Variants in SIL1 observed in about 807,000 individuals in gnomAD.
SIL1 encodes the protein nucleotide exchange factor SIL1.
Under a neutral mutation model 49.1 loss-of-function variants are expected in SIL1, and 40 were observed. That is an observed-to-expected ratio of 0.81 (90% CI 0.63 to 1.06). The LOEUF is 1.06. Among genes scored for constraint, SIL1 ranks in the 50% least tolerant of loss-of-function variants. The pLI is 0.00. For missense variants in SIL1, 500 were observed against 572.6 expected, an observed-to-expected ratio of 0.87 and a Z score of 1.29; for synonymous variants, 253 against 250.8, an observed-to-expected ratio of 1.01 and a Z score of -0.08.
In SIL1 at chr5:138,951,263, G is replaced by T. The variant is rs374933348; in HGVS notation, c.937C>A (p.Leu313Met). ...TGCACCAGGGTCCTCAGGACCTGCA[G>T]CCCCCCGAGCTTCAGGAACTGCCGC... ...AQRQFLKLGG[L>M]QVLRTLVQEK... The change falls in exon 9 of 10, where the codon CTG (leucine) becomes ATG (methionine). Residue 313 changes from leucine to methionine, a missense_variant. Physicochemically the swap from Leu to Met is conservative, Grantham distance 15. Transcript: ENST00000394817. The T allele has an allele frequency of 5.0e-6, 8 of 1,586,844 alleles. No homozygotes were observed. The African/African-American group carries it at 9.4e-5, about 19-fold the overall frequency.
chr5:139,170,665 C>T (rs1325368728), intron 1 of SIL1, among the ~76,000 whole-genome samples: 9 of 147,246 alleles, frequency 6.1e-5, no homozygotes, highest in East Asian at 2.1e-4. Flanking sequence ...GGAGCCCCTC[C>T]GCCCAGCAGC....
intron 3 of SIL1, among the ~76,000 whole-genome samples, chr5:139,107,654 CT>C (rs777838569): frequency 2.6e-5 from 4 of 152,204 alleles, no homozygotes; most frequent in Non-Finnish European, 4.4e-5. Context: ...GTTCCTCAGT[CT>C]TTGTCTTTCA....
At chr5:139,070,916 A>G (rs1769817724) in intron 3 of SIL1, among the ~76,000 whole-genome samples, 1 of 152,196 alleles carries the variant, frequency 6.6e-6, no homozygotes, top group African/African-American at 2.4e-5. Flanking sequence ...TAGTGCAGCT[A>G]AAAATAAAAA....
intron 1 of SIL1, among the ~76,000 whole-genome samples, chr5:139,181,975 GTTT>G (rs1389924872): frequency 6.6e-6 from 1 of 152,158 alleles, no homozygotes; most frequent in Non-Finnish European, 1.5e-5. Flanking sequence ...GTAATACACA[GTTT>G]TTGTTTTTTT....
chr5:139,116,231 G>C (rs1770984945), intron 3 of SIL1, among the ~76,000 whole-genome samples: 1 of 152,206 alleles, frequency 6.6e-6, no homozygotes, highest in Non-Finnish European at 1.5e-5. Flanking sequence ...GTGCAGATCT[G>C]AAATGATCTG....
intron 3 of SIL1, among the ~76,000 whole-genome samples, chr5:139,064,420 G>A (rs1769656857): frequency 6.6e-6 from 1 of 152,166 alleles, no homozygotes; most frequent in Non-Finnish European, 1.5e-5. Flanking sequence ...GAGGCAGATG[G>A]AGCAACAGGT....
chr5:139,089,337 C>CAGTG (rs1561857663), intron 3 of SIL1, among the ~76,000 whole-genome samples: 1 of 152,060 alleles, frequency 6.6e-6, no homozygotes, highest in African/African-American at 2.4e-5. Flanking sequence ...TCTCCACTCT[C>CAGTG]AGTGGAGGCC....
chr5:139,193,639 T>C (rs1240262291), intron 1 of SIL1, among the ~76,000 whole-genome samples: 7 of 151,836 alleles, frequency 4.6e-5, no homozygotes, highest in Non-Finnish European at 7.4e-5. Flanking sequence ...GAACAAAAGG[T>C]TGAAAAATAA....
intron 9 of SIL1, among the ~76,000 whole-genome samples, chr5:138,950,483 C>T (rs1766745041): frequency 1.3e-5 from 2 of 152,218 alleles, no homozygotes; most frequent in Admixed American, 1.3e-4. Context: ...CATTCGGCAG[C>T]AGTTCCAGCG....
chr5:139,155,078 A>G (rs991746057), intron 1 of SIL1, among the ~76,000 whole-genome samples: 2 of 152,220 alleles, frequency 1.3e-5, no homozygotes, highest in Admixed American at 6.5e-5. Context: ...AACAGATACT[A>G]AATACCGCTG....
Position 138,997,168 on chromosome 5 carries a change from G to A in SIL1, c.767+24003C>T, listed in dbSNP as rs113096724. Among the ~76,000 whole-genome samples, 194 of 152,192 alleles carry A rather than the reference G, an allele frequency of 1.3e-3. 3 individuals are homozygous for A. The highest frequency in any genetic ancestry group is 4.5e-3 in the African/African-American group (186 of 41,530). ...TGGTCTCAAACCCCTGGCCTCAAGCGATCCTCCTGTCTTGGGCTCCCCAAA... is the reference window on the plus strand; with the variant it reads ...TGGTCTCAAACCCCTGGCCTCAAGCAATCCTCCTGTCTTGGGCTCCCCAAA... On this transcript the variant is annotated intron_variant, in intron 7 of 9. Coordinates refer to ENST00000394817, the MANE Select transcript of SIL1 (RefSeq NM_022464.5).
chr5:139,099,311 C>T (rs961750541), intron 3 of SIL1, among the ~76,000 whole-genome samples: 1 of 152,068 alleles, frequency 6.6e-6, no homozygotes, highest in African/African-American at 2.4e-5. Flanking sequence ...AAAAAGGGAA[C>T]CCTCATACAC....
intron 3 of SIL1, among the ~76,000 whole-genome samples, chr5:139,082,902 T>C (rs1429468427): frequency 6.6e-6 from 1 of 152,152 alleles, no homozygotes; most frequent in Non-Finnish European, 1.5e-5. Flanking sequence ...GCTCCAGCCA[T>C]GGAAAGTCAG....
chr5:139,186,313 A>G (rs1264271605), intron 1 of SIL1, among the ~76,000 whole-genome samples: 2 of 152,234 alleles, frequency 1.3e-5, no homozygotes, highest in African/African-American at 4.8e-5. Context: ...ACTTTTATCT[A>G]AAGATAGGCT....
chr5:139,098,012 A>T (rs1170025676), intron 3 of SIL1, among the ~76,000 whole-genome samples: 1 of 152,232 alleles, frequency 6.6e-6, no homozygotes, highest in Non-Finnish European at 1.5e-5. Context: ...TAAAATGTCC[A>T]TAGTACCCAA....
intron 3 of SIL1, among the ~76,000 whole-genome samples, chr5:139,105,597 A>G (rs1770684874): frequency 6.6e-6 from 1 of 152,220 alleles, no homozygotes; most frequent in Admixed American, 6.5e-5. Flanking sequence ...ACCCTTAGAA[A>G]GCTCATTTAG....
chr5:139,160,186 C>CAA lies in SIL1; in HGVS notation c.-10-32335_-10-32334dup, dbSNP rs1277753392. ...ACACACACACACACACACACACACA[C>CAA]AAAAGTTATAGCCTGGAGGAGTAGA... is the stretch of plus-strand genomic sequence containing the variant. On this transcript the variant is annotated intron_variant, in intron 1 of 9. Coordinates refer to ENST00000394817, the MANE Select transcript of SIL1 (RefSeq NM_022464.5). Among the ~76,000 whole-genome samples the CAA allele has an allele frequency of 5.0e-5, 7 of 139,164 alleles. No homozygotes were observed. The East Asian group carries it at 1.4e-3, about 28-fold the overall frequency. 91.3% of individuals were successfully genotyped at this position (139,164 alleles called of 152,430 possible). A position where few individuals can be genotyped will look rare whatever the true frequency, so the allele number is the denominator to read the frequency against.
intron 7 of SIL1, among the ~76,000 whole-genome samples, chr5:138,976,827 A>G (rs1244852621): frequency 6.6e-6 from 1 of 152,108 alleles, no homozygotes; most frequent in Non-Finnish European, 1.5e-5. Flanking sequence ...AGAGGAAACA[A>G]TATATATGAA....
At chr5:139,063,112 T>C (rs531791200) in intron 3 of SIL1, among the ~76,000 whole-genome samples, 1 of 152,356 alleles carries the variant, frequency 6.6e-6, no homozygotes, top group African/African-American at 2.4e-5. Context: ...GCTGTTATCA[T>C]TGTCCTAATC....
Sources: allele counts gnomAD v4.1 joint callset (sites outside exome capture counted in the v4.1 genomes callset), GRCh38; gene constraint gnomAD v4.1.1; transcripts MANE v1.5; gene names NCBI Gene and HGNC (gene_info 2026-07-23, HGNC 2026-07-21).